The following NLRP11 variants were observed in gnomAD, a reference collection of about 807,000 sequenced individuals.
NLRP11 encodes NLR family pyrin domain containing 11.
Under a neutral mutation model 79.3 loss-of-function variants are expected in NLRP11, and 53 were observed. The ratio of observed to expected loss-of-function variants is 0.67; its 90% confidence interval spans 0.54 to 0.84. NLRP11 has a LOEUF of 0.84. NLRP11 is among the 40% of genes least tolerant of loss of function. The pLI is 0.00. For synonymous variants in NLRP11, 518 were observed against 462.6 expected (o/e 1.12, Z -1.54); for missense variants, 1,264 against 1,255.0 (o/e 1.01, Z -0.11).
intron 2 of NLRP11, among the ~76,000 whole-genome samples, chr19:55,817,290 G>A (rs1012867567): frequency 6.6e-6 from 1 of 152,148 alleles, no homozygotes; most frequent in Non-Finnish European, 1.5e-5. Flanking sequence ...ACTAAAAGTA[G>A]AACGACCATT....
intron 1 of NLRP11, among the ~76,000 whole-genome samples, chr19:55,823,791 T>G (rs1285665003): frequency 6.7e-6 from 1 of 148,694 alleles, no homozygotes; most frequent in Non-Finnish European, 1.5e-5. Flanking sequence ...GTCTGATTGG[T>G]GTACCTGAAA....
At chr19:55,829,794 A>G (rs1244432514) in intron 1 of NLRP11, among the ~76,000 whole-genome samples, 1 of 152,146 alleles carries the variant, frequency 6.6e-6, no homozygotes, top group African/African-American at 2.4e-5. Context: ...AGAGGGAAAT[A>G]CAGTTGACTC....
rs756242927 is a variant in NLRP11, at chr19:55,809,818, C to T, written c.792G>A (p.Lys264=). The change falls in exon 3 of 10, where the codon AAG becomes AAA. Residue 264 remains lysine (K), a synonymous_variant. Transcript: ENST00000589093. This position sits in a 1 kb window ranked among gnomAD's most constrained non-coding sequence, Gnocchi z 4.5. ...ACCAGCAGCCTGGAGCCATTTTTCT[C>T]TTCAGCAAACTGACCAGGAGAACTG... is the stretch of plus-strand genomic sequence containing the variant. 3.1e-6 allele frequency: 5 copies of T among 1,614,098 alleles called. No individual in the cohort carries two copies. Among genetic ancestry groups the T allele is most frequent in the Admixed American group, 3.3e-5 (2 of 59,998 alleles).
intron 5 of NLRP11, among the ~76,000 whole-genome samples, chr19:55,798,001 T>TA (rs559385036): frequency 0.1 from 14,562 of 145,344 alleles, 983 homozygotes; most frequent in East Asian, 0.22. Flanking sequence ...TTATTATTAT[T>TA]TTTTTTTTTT....
At chr19:55,821,723 C>T (rs1981758221) in intron 1 of NLRP11, among the ~76,000 whole-genome samples, 1 of 143,138 alleles carries the variant, frequency 7.0e-6, no homozygotes, top group Non-Finnish European at 1.5e-5. Flanking sequence ...GATGGGAGAA[C>T]CCATTAACAT....
chr19:55,807,965 T>C, exon 4 of NLRP11: 1 of 1,612,432 alleles, frequency 6.2e-7, no homozygotes, highest in Non-Finnish European at 8.5e-7. Flanking sequence ...CTCTCCATTG[T>C]ATAAAAAAGA....
chr19:55,823,129 G>C (rs1252983764), intron 1 of NLRP11, among the ~76,000 whole-genome samples: 11 of 146,910 alleles, frequency 7.5e-5, no homozygotes, highest in African/African-American at 2.9e-4. Context: ...AGCCTAACTG[G>C]GAGGCACCCC....
intron 9 of NLRP11, among the ~76,000 whole-genome samples, chr19:55,786,672 A>G (rs767575838): frequency 2.8e-4 from 42 of 152,194 alleles, no homozygotes; most frequent in Non-Finnish European, 2.8e-4. Context: ...TGTAGGCACA[A>G]ATACCTTTAT....
At chr19:55,796,337 T>A in intron 5 of NLRP11, 87 bp from the exon 6 acceptor site, 3 of 1,065,048 alleles carry the variant, frequency 2.8e-6, no homozygotes, top group Non-Finnish European at 4.0e-6. Flanking sequence ...AAGAGAGACC[T>A]AACCAAGTGC....
At chr19:55,819,086 CCAGGAGATCT>C (rs1384883751) in intron 1 of NLRP11, among the ~76,000 whole-genome samples, 1 of 146,450 alleles carries the variant, frequency 6.8e-6, no homozygotes. Flanking sequence ...GCTCTCGGAC[CCAGGAGATCT>C]TCCTCCCCAC....
intron 1 of NLRP11, among the ~76,000 whole-genome samples, chr19:55,821,355 C>T (rs193190248): frequency 3.3e-5 from 5 of 152,146 alleles, no homozygotes; most frequent in South Asian, 2.1e-4. Flanking sequence ...GTGACTCTGC[C>T]GGGAGAGGAC....
chr19:55,790,354 G>A (rs11879648), intron 7 of NLRP11, among the ~76,000 whole-genome samples: 12,917 of 152,242 alleles, frequency 0.085, 1,237 homozygotes, highest in African/African-American at 0.24. Context: ...ACAAATGCAT[G>A]CATGAAACAC....
At chr19:55,794,747 G>A (rs969592702) in intron 6 of NLRP11, among the ~76,000 whole-genome samples, 5 of 151,340 alleles carry the variant, frequency 3.3e-5, no homozygotes, top group Non-Finnish European at 4.4e-5. Context: ...GCAATACAGC[G>A]AGACTCCGTC....
chr19:55,809,623 A>T lies in NLRP11; in HGVS notation c.987T>A (p.Asp329Glu). The change falls in exon 3 of 10, where the codon GAT (aspartate) becomes GAA (glutamate). Residue 329 changes from aspartate (D) to glutamate (E), a missense_variant. Asp to Glu is a conservative substitution (Grantham distance 45, BLOSUM62 2). Coordinates refer to ENST00000589093, the Ensembl canonical transcript of NLRP11. The surrounding 1 kb of genome is among the most constrained non-coding windows in gnomAD (Gnocchi z 4.5). ...CTCGGCACAGACCCACGAGTATTTCATCCTCATGTACAAGCTGGAGGGCTG... is the reference window on the plus strand; with the variant it reads ...CTCGGCACAGACCCACGAGTATTTCTTCCTCATGTACAAGCTGGAGGGCTG... The T allele has an allele frequency of 6.2e-7, 1 of 1,614,192 alleles. No individual in the cohort carries two copies. Among genetic ancestry groups the T allele is most frequent in the Non-Finnish European group, 8.5e-7 (1 of 1,180,022 alleles).
intron 6 of NLRP11, among the ~76,000 whole-genome samples, chr19:55,792,731 C>T (rs1028966212): frequency 1.3e-5 from 2 of 152,208 alleles, no homozygotes; most frequent in Admixed American, 6.5e-5. Context: ...ATCTTATAGA[C>T]GTTACTTCTG....
At chr19:55,819,618 C>T (rs866416963) in intron 1 of NLRP11, among the ~76,000 whole-genome samples, 26 of 152,124 alleles carry the variant, frequency 1.7e-4, no homozygotes, top group African/African-American at 5.8e-4. Flanking sequence ...GGTTTTACAG[C>T]AAATGCTTCG....
intron 4 of NLRP11, among the ~76,000 whole-genome samples, chr19:55,805,836 G>T (rs960504473): frequency 4.6e-5 from 7 of 151,960 alleles, no homozygotes; most frequent in African/African-American, 1.7e-4. Flanking sequence ...CACTGCACCC[G>T]CCCTAAAAGT....
At chr19:55,819,457 G>A (rs541225829) in intron 1 of NLRP11, among the ~76,000 whole-genome samples, 34 of 152,210 alleles carry the variant, frequency 2.2e-4, no homozygotes, top group Non-Finnish European at 3.7e-4. Flanking sequence ...ATTACACTCC[G>A]TCACGAGAAG....
chr19:55,809,696 C>T lies in NLRP11; in HGVS notation c.914G>A (p.Arg305Lys). 5.6e-6 allele frequency: 9 copies of T among 1,614,032 alleles called. No individual in the cohort carries two copies. The highest frequency in any genetic ancestry group is 1.3e-5 in the African/African-American group (1 of 75,038). The change falls in exon 3 of 10, where the codon AGG becomes AAG. Residue 305 changes from arginine (R) to lysine (K), a missense_variant. Coordinates refer to ENST00000589093, the Ensembl canonical transcript of NLRP11. This position sits in a 1 kb window ranked among gnomAD's most constrained non-coding sequence, Gnocchi z 4.5. Reference sequence around the variant, plus strand: ...AAAGAAAGAGTTAAAATATATCTCCCTCTTCCCATTCGACAGCTGCAAGGT... The same window carrying T: ...AAAGAAAGAGTTAAAATATATCTCCTTCTTCCCATTCGACAGCTGCAAGGT...
Sources: allele counts gnomAD v4.1 joint callset (sites outside exome capture counted in the v4.1 genomes callset), GRCh38; gene constraint gnomAD v4.1.1; non-coding constraint Gnocchi (gnomAD v3.1); transcripts MANE v1.5; gene names NCBI Gene and HGNC (gene_info 2026-07-23, HGNC 2026-07-21).